The following DPY19L3 variants were observed in gnomAD, a reference collection of about 807,000 sequenced individuals.
DPY19L3 encodes the protein protein C-mannosyl-transferase DPY19L3.
Under a neutral mutation model 92.3 loss-of-function variants are expected in DPY19L3, and 51 were observed. The ratio of observed to expected loss-of-function variants is 0.55; its 90% CI spans 0.44 to 0.70. DPY19L3 has a LOEUF of 0.70. DPY19L3 is among the 30% of genes least tolerant of loss of function. DPY19L3 has a pLI of 0.00. For missense variants in DPY19L3, 706 were observed against 855.9 expected, an observed-to-expected ratio of 0.82 and a Z score of 2.18; for synonymous variants, 309 against 315.2, an observed-to-expected ratio of 0.98 and a Z score of 0.21.
intron 12 of DPY19L3, among the ~76,000 whole-genome samples, chr19:32,462,183 A>G (rs1471794983): frequency 1.3e-5 from 2 of 152,182 alleles, no homozygotes; most frequent in Admixed American, 6.5e-5. Flanking sequence ...AACACAAACA[A>G]TACAGGGACA....
At position 32,422,145 on chromosome 19, in the gene DPY19L3, T is replaced by C. The variant is rs75553343; in HGVS notation, c.238-10571T>C. 1.1e-4 allele frequency among the ~76,000 whole-genome samples: 16 copies of C among 152,206 alleles called. 1 individual carries two copies. The East Asian group carries it at 3.1e-3, about 29-fold the overall frequency. On this transcript the variant is annotated intron_variant, in intron 3 of 18. Transcript: ENST00000392250. ...CTGGGACAAGATTGTCCGGTGATAC[T>C]GCAACAAAAAAGGGAAGAGAACAAC...
Position 32,463,980 on chromosome 19 carries a change from G to A in DPY19L3, c.1557G>A (p.Arg519=), listed in dbSNP as rs947997547. 4.4e-6 allele frequency: 7 copies of A among 1,598,352 alleles called. No individual in the cohort carries two copies. Among genetic ancestry groups the A allele is most frequent in the Middle Eastern group, 1.7e-4 (1 of 6,008 alleles). The stretch of plus-strand genomic sequence containing the variant: ...CAGTCCATCTTTATAACCCAAAGAG[G>A]GTCAGTGTCATCCCTTTTTCCATCT... ...LKSVHLYNPK[R]ICIMRYSVPI... Residue 519 remains arginine (R), a splice_region_variant and synonymous_variant, in exon 14 of 19, where the codon AGG becomes AGA. Coordinates refer to ENST00000392250, the MANE Select transcript of DPY19L3 (RefSeq NM_001172774.2).
chr19:32,472,140 G>A (rs1431254337), intron 16 of DPY19L3, among the ~76,000 whole-genome samples: 1 of 152,110 alleles, frequency 6.6e-6, no homozygotes, highest in Non-Finnish European at 1.5e-5. Flanking sequence ...AAGTTCAGTG[G>A]GAAAGTTTTT....
At chr19:32,477,798 A>G (rs1970557133) in intron 17 of DPY19L3, 144 bp downstream of exon 17, 1 of 1,172,612 alleles carries the variant, frequency 8.5e-7, no homozygotes, top group Non-Finnish European at 1.2e-6. Context: ...CGCTACTGAT[A>G]AAGGCATACC....
Position 32,482,261 on chromosome 19 carries a change from C to CT in DPY19L3, c.*22dup, listed in dbSNP as rs1472725903. On this transcript the variant is annotated 3_prime_UTR_variant, in exon 19 of 19. Coordinates refer to ENST00000392250, the MANE Select transcript of DPY19L3 (RefSeq NM_001172774.2). ...AGTAGCGCAGATTTCTGCCCAGTGTCTATTTTTGATACGGAGAAACTGCAT... is the reference window on the plus strand; with the variant it reads ...AGTAGCGCAGATTTCTGCCCAGTGTCTTATTTTTGATACGGAGAAACTGCAT... 6.3e-7 allele frequency: 1 copy of CT among 1,599,776 alleles called. No homozygotes were observed. The highest frequency in any genetic ancestry group is 1.4e-5 in the African/African-American group (1 of 73,886).
At chr19:32,451,675 C>T (rs1040282107) in intron 8 of DPY19L3, among the ~76,000 whole-genome samples, 1 of 152,198 alleles carries the variant, frequency 6.6e-6, no homozygotes, top group Non-Finnish European at 1.5e-5. Flanking sequence ...TAAGTGTCCA[C>T]TCTTTATTAG....
intron 12 of DPY19L3, among the ~76,000 whole-genome samples, chr19:32,460,967 G>T (rs957071163): frequency 2.0e-5 from 3 of 152,146 alleles, no homozygotes; most frequent in African/African-American, 7.2e-5. Flanking sequence ...CCGGGTTCAG[G>T]CAATTCTCCT....
At chr19:32,446,946 G>C (rs556930696) in intron 8 of DPY19L3, among the ~76,000 whole-genome samples, 1 of 152,024 alleles carries the variant, frequency 6.6e-6, no homozygotes, top group Admixed American at 6.6e-5. Context: ...CTTACCAACA[G>C]ACTATCTCCC....
intron 3 of DPY19L3, chr19:32,412,723 A>C (rs1321275702): frequency 2.0e-5 from 3 of 152,102 alleles, no homozygotes; most frequent in Non-Finnish European, 4.4e-5. Context: ...TGAAGTCAGG[A>C]GTTCAAGACC....
chr19:32,444,820 C>G (rs754082322), intron 8 of DPY19L3, among the ~76,000 whole-genome samples: 5 of 151,760 alleles, frequency 3.3e-5, no homozygotes. Flanking sequence ...CAGTGACTCA[C>G]GCCTGTAATC....
chr19:32,419,847 A>G (rs896329914), intron 3 of DPY19L3, among the ~76,000 whole-genome samples: 1 of 132,146 alleles, frequency 7.6e-6, no homozygotes, highest in East Asian at 2.2e-4. Flanking sequence ...AGTAAAAGGC[A>G]CTCCCCCATT....
At position 32,454,945 on chromosome 19, in the gene DPY19L3, C is replaced by A; in HGVS notation, c.994C>A (p.Leu332Met). The change falls in exon 10 of 19, where the codon CTG (leucine) becomes ATG (methionine). Residue 332 changes from leucine (L) to methionine (M), a missense_variant. Physicochemically the swap from Leu to Met is conservative, Grantham distance 15. Coordinates refer to ENST00000392250, the MANE Select transcript of DPY19L3 (RefSeq NM_001172774.2). ...VFIARKLQKN[L>M]KTGSFLNRLG... The stretch of plus-strand genomic sequence containing the variant: ...TAACTCTTTTAATTTCTAGAAAAAT[C>A]TGAAAACTGGAAGCTTCCTTAATAG... 7 of 1,552,028 alleles carry A rather than the reference C, an allele frequency of 4.5e-6. No homozygotes were observed. The highest frequency in any genetic ancestry group is 6.1e-6 in the Non-Finnish European group (7 of 1,155,096).
intron 8 of DPY19L3, among the ~76,000 whole-genome samples, chr19:32,441,494 C>CTTTT (rs11326098): frequency 1.0e-4 from 13 of 130,212 alleles, no homozygotes; most frequent in African/African-American, 1.5e-4. Flanking sequence ...ACATGTGTCT[C>CTTTT]TTTTTTTTTT....
chr19:32,452,568 A>G (rs1568347007), intron 8 of DPY19L3, among the ~76,000 whole-genome samples: 1 of 152,224 alleles, frequency 6.6e-6, no homozygotes, highest in African/African-American at 2.4e-5. Flanking sequence ...GAATAAATAC[A>G]TTCTGCTGTT....
Position 32,485,117 on chromosome 19 carries a change from A to C in DPY19L3, c.*2877A>C, listed in dbSNP as rs1286398017. The stretch of plus-strand genomic sequence containing the variant: ...AGGAAAATCCGTGTCTTTATATCAG[A>C]AGATCGGCAAACGAATGTATATTAC... On this transcript the variant is annotated 3_prime_UTR_variant, in exon 19 of 19. Coordinates refer to ENST00000392250, the MANE Select transcript of DPY19L3 (RefSeq NM_001172774.2). 1 of 152,202 alleles carries C rather than the reference A, an allele frequency of 6.6e-6. No individual in the cohort carries two copies. The highest frequency in any genetic ancestry group is 1.5e-5 in the Non-Finnish European group (1 of 68,044). The allele number at this position is 152,202 out of a possible 1,614,324, so 9.4% of individuals were successfully genotyped here. A position where few individuals can be genotyped will look rare whatever the true frequency, so the allele number is the denominator to read the frequency against.
chr19:32,451,754 A>G (rs1969707117), intron 8 of DPY19L3, among the ~76,000 whole-genome samples: 1 of 152,010 alleles, frequency 6.6e-6, no homozygotes, highest in Non-Finnish European at 1.5e-5. Flanking sequence ...TTCTTTTGGT[A>G]TCAACCTATC....
At chr19:32,448,075 A>C (rs1969575820) in intron 8 of DPY19L3, among the ~76,000 whole-genome samples, 1 of 152,146 alleles carries the variant, frequency 6.6e-6, no homozygotes, top group African/African-American at 2.4e-5. Flanking sequence ...ACGTGTAACG[A>C]AACCGTACTT....
intron 18 of DPY19L3, 91 bp from the exon 19 acceptor site, chr19:32,481,988 A>G (rs1970685822): frequency 1.4e-6 from 2 of 1,403,662 alleles, no homozygotes; most frequent in Non-Finnish European, 1.9e-6. Flanking sequence ...CTCACATACC[A>G]TTCTTAAACC....
At chr19:32,454,877 T>G in intron 9 of DPY19L3, 62 bp from the exon 10 acceptor site, 1 of 1,089,582 alleles carries the variant, frequency 9.2e-7, no homozygotes, top group African/African-American at 1.6e-5. Flanking sequence ...TAAGCTCATC[T>G]TCAGTGTTTA....
Sources: allele counts gnomAD v4.1 joint callset (sites outside exome capture counted in the v4.1 genomes callset), GRCh38; gene constraint gnomAD v4.1.1; transcripts MANE v1.5; gene names NCBI Gene and HGNC (gene_info 2026-07-23, HGNC 2026-07-21).